The following PGAP6 variants were observed in gnomAD, a reference collection of about 807,000 sequenced individuals.
PGAP6 encodes post-GPI attachment to proteins 6, also known as post-GPI attachment to proteins factor 6.
In PGAP6, 62 loss-of-function variants were observed where a neutral mutation model predicts 68.4. The ratio of observed to expected loss-of-function variants is 0.91; its 90% CI spans 0.74 to 1.12. PGAP6 has a LOEUF of 1.12. Among genes scored for constraint, PGAP6 ranks in the 50% most tolerant of loss-of-function variants. The pLI, the probability that PGAP6 is intolerant of heterozygous loss-of-function variation, is 0.00. For synonymous variants in PGAP6, 575 were observed against 474.0 expected, an observed-to-expected ratio of 1.21 and a Z score of -2.77; for missense variants, 1,188 against 1,068.5, an observed-to-expected ratio of 1.11 and a Z score of -1.56.
At chr16:375,480 C>T (rs778888247) in intron 6 of PGAP6, 45 bp from the exon 7 acceptor site, 20 of 1,563,908 alleles carry the variant, frequency 1.3e-5, no homozygotes, top group South Asian at 2.2e-5. Flanking sequence ...AGCCCCTGGC[C>T]GCAGTGGGGT....
At chr16:382,313 C>A (rs1217894289), upstream of PGAP6, 3 of 390,346 alleles carry the variant, frequency 7.7e-6, no homozygotes, top group Non-Finnish European at 1.4e-5. Flanking sequence ...GCCGGGACCT[C>A]CGTGGCAGGC....
chr16:380,461 G>C (rs1054532483), intron 1 of PGAP6, among the ~76,000 whole-genome samples: 8 of 151,972 alleles, frequency 5.3e-5, no homozygotes, highest in Non-Finnish European at 1.0e-4. Context: ...CTGCCTCCCG[G>C]GTTCAAGCGA....
Position 376,117 on chromosome 16 carries a change from G to A in PGAP6, c.1224+19C>T, listed in dbSNP as rs767220014. 46 of 1,582,554 alleles carry A rather than the reference G, an allele frequency of 2.9e-5. No individual in the cohort carries two copies. Among genetic ancestry groups the A allele is most frequent in the Admixed American group, 1.2e-4 (7 of 57,978 alleles). ...CCTGCCCGAGCCCAGGCCACAGGCC[G>A]CTTGCAGACAGCAGGTACCTTGTTG... On this transcript the variant is annotated intron_variant, in intron 6 of 12. Transcript: ENST00000431232.
At chr16:377,266 C>A (rs1232089508) in intron 3 of PGAP6, 102 bp from the exon 4 acceptor site, 14 of 1,590,946 alleles carry the variant, frequency 8.8e-6, no homozygotes, top group Non-Finnish European at 1.2e-5. Context: ...AGGGCTGGCC[C>A]CAGAGTGCAG....
upstream of PGAP6, chr16:383,476 T>G (rs551905392): frequency 6.6e-6 from 1 of 152,350 alleles, no homozygotes; most frequent in East Asian, 1.9e-4. Context: ...TGAGTCAATG[T>G]GGCACCGCCT....
upstream of PGAP6, chr16:386,920 G>A (rs773352308): frequency 2.2e-5 from 13 of 597,668 alleles, no homozygotes; most frequent in South Asian, 6.8e-5. Context: ...AAGACACTGC[G>A]ACGCCGGAGG....
At chr16:372,357 G>C in intron 12 of PGAP6, 74 bp from the exon 13 acceptor site, 2 of 1,485,258 alleles carry the variant, frequency 1.3e-6, no homozygotes, top group Non-Finnish European at 1.8e-6. Context: ...AGATACGGTG[G>C]TTACTGGGGG....
Position 377,683 on chromosome 16 carries a change from G to C in PGAP6, c.287C>G (p.Ala96Gly). The C allele has an allele frequency of 1.3e-6, 2 of 1,586,090 alleles. No individual in the cohort carries two copies. Among genetic ancestry groups the C allele is most frequent in the Non-Finnish European group, 1.7e-6 (2 of 1,167,334 alleles). ...SRESGAACTDAEITVHFRSGA... is the reference protein window; with the variant it reads ...SRESGAACTDGEITVHFRSGA... ...GGCAGCCACCTACACGGTGATCTCCGCGTCGGTGCAGGCAGCGCCGCTCTC... is the reference window on the plus strand; with the variant it reads ...GGCAGCCACCTACACGGTGATCTCCCCGTCGGTGCAGGCAGCGCCGCTCTC... The change falls in exon 2 of 13, where the codon GCG (alanine) becomes GGG (glycine). Residue 96 changes from alanine to glycine, a missense_variant. Coordinates refer to ENST00000431232, the MANE Select transcript of PGAP6 (RefSeq NM_021259.3).
In PGAP6 at chr16:372,720, A is replaced by G. The variant is rs1168240339; in HGVS notation, c.1910T>C (p.Phe637Ser). The G allele has an allele frequency of 6.2e-7, 1 of 1,609,126 alleles. No homozygotes were observed. The highest frequency in any genetic ancestry group is 1.3e-5 in the African/African-American group (1 of 74,810). ...GGCGATGACCAGTGTACCCAGAAGA[A>G]ACAGCACCTGCGCAAGACACAGGGA... is the stretch of plus-strand genomic sequence containing the variant. Reference protein sequence around the residue: ...RLKTVLKYVLFLLGTLVIAMS... With the variant: ...RLKTVLKYVLSLLGTLVIAMS... The change falls in exon 12 of 13, where the codon TTT becomes TCT. Residue 637 changes from phenylalanine to serine, a missense_variant. Coordinates refer to ENST00000431232, the MANE Select transcript of PGAP6 (RefSeq NM_021259.3).
chr16:380,359 TC>T (rs1190521358), intron 1 of PGAP6, among the ~76,000 whole-genome samples: 27 of 144,294 alleles, frequency 1.9e-4, no homozygotes, highest in African/African-American at 6.6e-4. Context: ...TATTTTTTTT[TC>T]TTTCTGTCTT....
chr16:381,565 C>T (rs2054438367), intron 1 of PGAP6, 136 bp downstream of exon 1: 2 of 637,284 alleles, frequency 3.1e-6, no homozygotes, highest in Middle Eastern at 5.9e-4. Flanking sequence ...CCACTGTGCA[C>T]CCCCAACCCG....
chr16:378,685 C>G (rs981957415), intron 1 of PGAP6, among the ~76,000 whole-genome samples: 2 of 152,198 alleles, frequency 1.3e-5, no homozygotes, highest in African/African-American at 4.8e-5. Flanking sequence ...ACATCTCCAT[C>G]CCTGGATGGG....
At chr16:376,066 G>A (rs1276721123) in intron 6 of PGAP6, 70 bp downstream of exon 6, 5 of 1,446,122 alleles carry the variant, frequency 3.5e-6, no homozygotes, top group African/African-American at 1.4e-5. Context: ...GGTAAATGAG[G>A]AGGCGCTGCA....
chr16:377,690 T>C lies in PGAP6; in HGVS notation c.280A>G (p.Thr94Ala), dbSNP rs765092660. Residue 94 changes from threonine to alanine, a missense_variant, in exon 2 of 13, where the codon ACC (threonine) becomes GCC (alanine). Physicochemically the swap from Thr to Ala is moderately conservative, Grantham distance 58. Transcript: ENST00000431232. ...ACCTACACGGTGATCTCCGCGTCGG[T>C]GCAGGCAGCGCCGCTCTCCCGGGAG... ...QVSRESGAACTDAEITVHFRS... is the reference protein window; with the variant it reads ...QVSRESGAACADAEITVHFRS... 1 of 1,589,758 alleles carries C rather than the reference T, an allele frequency of 6.3e-7. No individual in the cohort carries two copies. Among genetic ancestry groups the C allele is most frequent in the Non-Finnish European group, 8.6e-7 (1 of 1,169,242 alleles).
Position 377,148 on chromosome 16 carries a change from C to T in PGAP6, c.524G>A (p.Cys175Tyr), listed in dbSNP as rs1246860496. 1.2e-6 allele frequency: 2 copies of T among 1,613,542 alleles called. No individual in the cohort carries two copies. Among genetic ancestry groups the T allele is most frequent in the Admixed American group, 1.7e-5 (1 of 60,034 alleles). ...CAGTTCAGGCTGGAAGACGTAGGCA[C>T]AGGTGGGAGCCAAGCCCTAGGGAAA... The part of the protein sequence containing the change: ...KIELKGLAPT[C>Y]AYVFQPELLV... The change falls in exon 4 of 13, where the codon TGT becomes TAT. Residue 175 changes from cysteine (C) to tyrosine (Y), a missense_variant. By Grantham distance (194) the Cys-to-Tyr change is radical. Transcript: ENST00000431232.
At chr16:376,084 C>T (rs2054379480) in intron 6 of PGAP6, 52 bp downstream of exon 6, 13 of 1,525,214 alleles carry the variant, frequency 8.5e-6, no homozygotes, top group South Asian at 1.2e-5. Context: ...GCAGGGGTTG[C>T]CCGGCGCCCT....
intron 8 of PGAP6, 35 bp downstream of exon 8, chr16:375,098 T>C (rs754675959): frequency 6.2e-7 from 1 of 1,608,410 alleles, no homozygotes; most frequent in Admixed American, 1.7e-5. Context: ...AATGACAGGG[T>C]GCCTGGCCCC....
upstream of PGAP6, among the ~76,000 whole-genome samples, chr16:383,065 G>A (rs536644944): frequency 1.7e-4 from 26 of 152,216 alleles, no homozygotes; most frequent in East Asian, 4.6e-3. Flanking sequence ...GCAGTGAGCC[G>A]AGATCGCGCC....
In PGAP6 at chr16:376,569, A is replaced by T. The variant is rs369870022; in HGVS notation, c.879T>A (p.Ala293=). Residue 293 remains alanine (A), a synonymous_variant, in exon 5 of 13, where the codon GCT becomes GCA. Coordinates refer to ENST00000431232, the MANE Select transcript of PGAP6 (RefSeq NM_021259.3). The part of the protein sequence containing the change: ...ESLVGPLGTV[A]FSAVAALTAC... ...CTGTGAGGGCAGCTACAGCACTGAA[A>T]GCCACTGTCCCGAGGGGCCCCACCA... 11 of 1,556,816 alleles carry T rather than the reference A, an allele frequency of 7.1e-6. No individual in the cohort carries two copies. In the African/African-American group the frequency reaches 1.5e-4, roughly 21 times the overall value.
Sources: gnomAD v4.1 joint callset for allele counts (sites outside exome capture counted in the v4.1 genomes callset) on GRCh38, gnomAD v4.1.1 for gene constraint, MANE v1.5 for transcripts, NCBI Gene and HGNC (gene_info 2026-07-23, HGNC 2026-07-21) for gene names.